CFAP299: variants seen among roughly 807,000 people sequenced by gnomAD.
The protein encoded by CFAP299 is cilia and flagella associated protein 299.
In CFAP299, 21 loss-of-function variants were observed where a neutral mutation model predicts 27.0. The ratio of observed to expected loss-of-function variants is 0.78; its 90% CI spans 0.55 to 1.12. The LOEUF (loss-of-function observed/expected upper bound fraction) is 1.12. Among genes scored for constraint, CFAP299 ranks in the 50% most tolerant of loss-of-function variants. CFAP299 has a pLI of 0.00. For missense variants in CFAP299, 310 were observed against 276.6 expected, an observed-to-expected ratio of 1.12 and a Z score of -0.86; for synonymous variants, 104 against 98.1, an observed-to-expected ratio of 1.06 and a Z score of -0.36.
intron 3 of CFAP299, among the ~76,000 whole-genome samples, chr4:80,590,356 G>A (rs1736666190): frequency 6.6e-6 from 1 of 152,146 alleles, no homozygotes; most frequent in Non-Finnish European, 1.5e-5. Context: ...AACACAGAAT[G>A]AGCTGGGCAC....
intron 2 of CFAP299, among the ~76,000 whole-genome samples, chr4:80,409,342 T>C (rs1043404974): frequency 6.6e-6 from 1 of 152,122 alleles, no homozygotes; most frequent in South Asian, 2.1e-4. Context: ...GTTTGTAATA[T>C]GTAGTATTAT....
chr4:80,735,852 G>A (rs112691061), intron 3 of CFAP299, among the ~76,000 whole-genome samples: 1 of 151,926 alleles, frequency 6.6e-6, no homozygotes, highest in Non-Finnish European at 1.5e-5. Context: ...ATTTTGTTGA[G>A]GTTTTTTACA....
intron 4 of CFAP299, among the ~76,000 whole-genome samples, chr4:80,944,151 T>C (rs1737349359): frequency 6.6e-6 from 1 of 152,144 alleles, no homozygotes; most frequent in Non-Finnish European, 1.5e-5. Flanking sequence ...GGCATATGTA[T>C]GCTTTGAAAC....
chr4:80,403,070 T>C (rs1345216458), intron 2 of CFAP299, among the ~76,000 whole-genome samples: 1 of 152,228 alleles, frequency 6.6e-6, no homozygotes, highest in African/African-American at 2.4e-5. Flanking sequence ...GGTGCAGGTG[T>C]ATTTGGGTAG....
chr4:80,399,119 T>C (rs1374539650), intron 2 of CFAP299, among the ~76,000 whole-genome samples: 1 of 152,112 alleles, frequency 6.6e-6, no homozygotes, highest in East Asian at 1.9e-4. Flanking sequence ...ATCAGAGAAA[T>C]GCAAATCAAA....
intron 2 of CFAP299, among the ~76,000 whole-genome samples, chr4:80,577,561 G>A (rs186440469): frequency 4.0e-5 from 6 of 151,650 alleles, no homozygotes; most frequent in African/African-American, 7.2e-5. Context: ...TGCCACCACC[G>A]CCAGCTAATT....
At chr4:80,596,544 AT>A (rs199777668) in intron 3 of CFAP299, among the ~76,000 whole-genome samples, 15 of 149,422 alleles carry the variant, frequency 1.0e-4, no homozygotes, top group East Asian at 2.0e-4. Flanking sequence ...TGGCATTCTG[AT>A]TTTTTTTTTC....
At position 80,389,190 on chromosome 4, in the gene CFAP299, T is replaced by C. The variant is rs115954563; in HGVS notation, c.242+26306T>C. On this transcript the variant is annotated intron_variant, in intron 2 of 5. Coordinates refer to ENST00000358105, the MANE Select transcript of CFAP299 (RefSeq NM_152770.3). ...CTTTATTATTCACTGCTGGATTGGG[T>C]TAGATAATAATTTATCTGGATTGTC... 7.4e-3 allele frequency among the ~76,000 whole-genome samples: 1,124 copies of C among 152,310 alleles called. 11 individuals carry two copies. Among genetic ancestry groups the C allele is most frequent in the Middle Eastern group, 0.031 (9 of 294 alleles).
At chr4:80,884,117 A>G (rs538774000) in intron 4 of CFAP299, among the ~76,000 whole-genome samples, 9 of 152,312 alleles carry the variant, frequency 5.9e-5, no homozygotes, top group African/African-American at 2.2e-4. Flanking sequence ...AACATGAGGC[A>G]ATTCTCCACT....
intron 2 of CFAP299, among the ~76,000 whole-genome samples, chr4:80,531,831 G>C (rs1047474535): frequency 7.0e-6 from 1 of 143,830 alleles, no homozygotes; most frequent in Non-Finnish European, 1.5e-5. Flanking sequence ...TCGGCTCACT[G>C]CAACCTCTGT....
chr4:80,923,740 T>A (rs915323653), intron 4 of CFAP299, among the ~76,000 whole-genome samples: 2 of 152,018 alleles, frequency 1.3e-5, no homozygotes, highest in African/African-American at 2.4e-5. Flanking sequence ...GGTTGAAGTA[T>A]CAGGACTCCT....
intron 1 of CFAP299, among the ~76,000 whole-genome samples, chr4:80,345,087 A>G (rs564364228): frequency 6.6e-6 from 1 of 152,324 alleles, no homozygotes; most frequent in Admixed American, 6.5e-5. Flanking sequence ...CAAGACAAGG[A>G]TGTCCTCTCT....
At chr4:80,418,376 T>C (rs1393712978) in intron 2 of CFAP299, among the ~76,000 whole-genome samples, 1 of 152,182 alleles carries the variant, frequency 6.6e-6, no homozygotes, top group Non-Finnish European at 1.5e-5. Flanking sequence ...CATTGACAAA[T>C]GACAGTTGTA....
intron 3 of CFAP299, among the ~76,000 whole-genome samples, chr4:80,821,260 T>C (rs948285475): frequency 4.6e-5 from 7 of 152,148 alleles, no homozygotes; most frequent in Admixed American, 1.3e-4. Flanking sequence ...CAGAACAATC[T>C]TGATAAGAAA....
rs1243226181 is a variant in CFAP299 at position 80,944,845 on chromosome 4, A to G, written c.512A>G (p.Asn171Ser). Residue 171 changes from asparagine to serine, a missense_variant, in exon 5 of 6, where the codon AAT (asparagine) becomes AGT (serine). Coordinates refer to ENST00000358105, the MANE Select transcript of CFAP299 (RefSeq NM_152770.3). ...TGGGACGCTGATATTGCTGTTAGTAATTCAAGTCCCAACTATCAAGTGATT... is the reference window on the plus strand; with the variant it reads ...TGGGACGCTGATATTGCTGTTAGTAGTTCAAGTCCCAACTATCAAGTGATT... ...YNWDADIAVS[N>S]SSPNYQVIAD... is the part of the protein sequence containing the mutation. The G allele has an allele frequency of 6.2e-7, 1 of 1,610,466 alleles. No homozygotes were observed.
At chr4:80,854,424 T>C (rs1257173559) in intron 3 of CFAP299, among the ~76,000 whole-genome samples, 2 of 151,444 alleles carry the variant, frequency 1.3e-5, no homozygotes, top group African/African-American at 4.8e-5. Context: ...AATGTTTAAA[T>C]GTTAATAGTA....
intron 2 of CFAP299, among the ~76,000 whole-genome samples, chr4:80,421,562 C>CT (rs1727285345): frequency 6.6e-6 from 1 of 152,140 alleles, no homozygotes; most frequent in Non-Finnish European, 1.5e-5. Context: ...CTGGCTCTTA[C>CT]TTAGTTAAAA....
chr4:80,612,512 C>T (rs1459619747), intron 3 of CFAP299, among the ~76,000 whole-genome samples: 1 of 152,050 alleles, frequency 6.6e-6, no homozygotes, highest in African/African-American at 2.4e-5. Context: ...AGAAACATCC[C>T]ATCCATATAT....
chr4:80,387,689 C>G, intron 2 of CFAP299: 2 of 1,575,446 alleles, frequency 1.3e-6, no homozygotes, highest in South Asian at 2.2e-5. Context: ...TGGGCAAAGG[C>G]ATGGCCACAT....
Sources: allele counts gnomAD v4.1 joint callset (sites outside exome capture counted in the v4.1 genomes callset), GRCh38; gene constraint gnomAD v4.1.1; transcripts MANE v1.5; gene names NCBI Gene and HGNC (gene_info 2026-07-23, HGNC 2026-07-21).